Variants in SMCO4 observed in about 807,000 individuals in gnomAD.
SMCO4 encodes single-pass membrane protein with coiled-coil domains 4.
In SMCO4, 4 loss-of-function variants were observed where a neutral mutation model predicts 3.6. The ratio of observed to expected loss-of-function variants is 1.11; its 90% confidence interval spans 0.54 to 2.53. The LOEUF is 2.53. Ranked by LOEUF, SMCO4 falls within the 30% of genes most tolerant of loss-of-function variation. The pLI is 0.02. For missense variants in SMCO4, 70 were observed against 80.8 expected, an observed-to-expected ratio of 0.87 and a Z score of 0.51; for synonymous variants, 36 against 35.3, an observed-to-expected ratio of 1.02 and a Z score of -0.07.
intron 2 of SMCO4, among the ~76,000 whole-genome samples, chr11:93,491,484 C>T (rs762684330): frequency 2.0e-5 from 3 of 152,190 alleles, no homozygotes; most frequent in Non-Finnish European, 4.4e-5. Flanking sequence ...CTGACATCCC[C>T]GTGCTGTTGG....
intron 1 of SMCO4, among the ~76,000 whole-genome samples, chr11:93,516,678 T>C (rs1409875703): frequency 6.6e-6 from 1 of 151,846 alleles, no homozygotes; most frequent in Non-Finnish European, 1.5e-5. Flanking sequence ...TAGTCCCAGC[T>C]ACCCGGGAGG....
chr11:93,535,433 G>T (rs879376075), intron 1 of SMCO4: 8 of 1,287,752 alleles, frequency 6.2e-6, no homozygotes, highest in Non-Finnish European at 8.7e-6. Flanking sequence ...CACTGCTAGG[G>T]GCTTAAGCAG....
At chr11:93,541,611 A>G (rs1382349529) in intron 1 of SMCO4, among the ~76,000 whole-genome samples, 2 of 152,206 alleles carry the variant, frequency 1.3e-5, no homozygotes. Context: ...ATTCGGGTCC[A>G]CAGGTGAAAT....
chr11:93,488,652 G>A (rs1371264098), intron 2 of SMCO4, among the ~76,000 whole-genome samples: 6 of 152,140 alleles, frequency 3.9e-5, no homozygotes, highest in African/African-American at 1.4e-4. Flanking sequence ...TGAGGCGGGT[G>A]GGGACAGCTG....
chr11:93,506,684 A>G (rs1380904056), intron 1 of SMCO4, among the ~76,000 whole-genome samples: 2 of 152,080 alleles, frequency 1.3e-5, no homozygotes, highest in Non-Finnish European at 2.9e-5. Context: ...CTCGTGATCC[A>G]ACCGCCTCGG....
intron 1 of SMCO4, among the ~76,000 whole-genome samples, chr11:93,520,095 C>T (rs1949044241): frequency 1.3e-5 from 2 of 152,186 alleles, no homozygotes; most frequent in South Asian, 4.2e-4. Context: ...GATGGCATCG[C>T]TCAGGCCTGA....
the SMCO4 span, among the ~76,000 whole-genome samples, chr11:93,553,478 A>G: frequency 1.3e-5 from 2 of 152,228 alleles, no homozygotes; most frequent in East Asian, 3.9e-4. Context: ...GAATGTTGGT[A>G]ACAAACCACA....
At chr11:93,509,793 A>G (rs950436367) in intron 1 of SMCO4, among the ~76,000 whole-genome samples, 2 of 152,174 alleles carry the variant, frequency 1.3e-5, no homozygotes, top group Non-Finnish European at 2.9e-5. Flanking sequence ...AGAATGATGC[A>G]TAAGAGTGGA....
chr11:93,526,706 C>A (rs1949111682), intron 1 of SMCO4, among the ~76,000 whole-genome samples: 1 of 152,062 alleles, frequency 6.6e-6, no homozygotes, highest in Non-Finnish European at 1.5e-5. Flanking sequence ...CCTTGAGAGC[C>A]CTGTGGTTTC....
chr11:93,524,929 G>C (rs975363), intron 1 of SMCO4, among the ~76,000 whole-genome samples: 8,515 of 152,254 alleles, frequency 0.056, 579 homozygotes, highest in East Asian at 0.22. Context: ...AGTCACACCA[G>C]AGTGACATCA....
upstream of SMCO4, among the ~76,000 whole-genome samples, chr11:93,544,798 G>C (rs1949302814): frequency 6.6e-6 from 1 of 152,146 alleles, no homozygotes. Flanking sequence ...GTCACATTGG[G>C]AGATCATTCA....
chr11:93,499,541 G>A (rs1948814383), intron 1 of SMCO4, among the ~76,000 whole-genome samples, 193 bp from the exon 2 acceptor site: 1 of 152,188 alleles, frequency 6.6e-6, no homozygotes, highest in South Asian at 2.1e-4. Context: ...TGGCACATGT[G>A]TGCATGTGCG....
chr11:93,534,367 T>TAGAGAGAG (rs1400925569), intron 1 of SMCO4, among the ~76,000 whole-genome samples: 2 of 96,192 alleles, frequency 2.1e-5, no homozygotes, highest in African/African-American at 6.4e-5. Flanking sequence ...CATATATATA[T>TAGAGAGAG]ATATATATAG....
At chr11:93,545,376 T>C (rs1949307688), upstream of SMCO4, among the ~76,000 whole-genome samples, 1 of 151,224 alleles carries the variant, frequency 6.6e-6, no homozygotes, top group Admixed American at 6.6e-5. Context: ...TCACCTGAGG[T>C]CAGGAGTTCG....
intron 1 of SMCO4, among the ~76,000 whole-genome samples, chr11:93,500,832 G>T (rs753986077): frequency 6.6e-6 from 1 of 152,212 alleles, no homozygotes; most frequent in Non-Finnish European, 1.5e-5. Flanking sequence ...CCTTGACAGG[G>T]TTCTTTGCCT....
rs1948549480 is a variant in SMCO4 at position 93,478,732 on chromosome 11, C to G, written c.*278G>C. On this transcript the variant is annotated 3_prime_UTR_variant, in exon 3 of 3. Coordinates refer to ENST00000298966, the MANE Select transcript of SMCO4 (RefSeq NM_020179.3). ...AAAGAAGCACACACACACACACACACACACACACACACACACACACATGCG... is the reference window on the plus strand; with the variant it reads ...AAAGAAGCACACACACACACACACAGACACACACACACACACACACATGCG... 3.4e-6 allele frequency: 2 copies of G among 593,476 alleles called. No homozygotes were observed. The highest frequency in any genetic ancestry group is 8.6e-5 in the Admixed American group (2 of 23,340). 36.8% of individuals were successfully genotyped at this position (593,476 alleles called of 1,614,324 possible).
At chr11:93,512,874 G>C (rs532133681) in intron 1 of SMCO4, among the ~76,000 whole-genome samples, 1 of 152,186 alleles carries the variant, frequency 6.6e-6, no homozygotes, top group East Asian at 1.9e-4. Context: ...GAGTACTATG[G>C]GAGCAGGTCA....
chr11:93,482,977 G>C (rs1036510586), intron 2 of SMCO4, among the ~76,000 whole-genome samples: 1 of 152,154 alleles, frequency 6.6e-6, no homozygotes, highest in Non-Finnish European at 1.5e-5. Flanking sequence ...AGAAAACCCT[G>C]ACACTGAAAA....
chr11:93,488,846 T>C (rs939960987), intron 2 of SMCO4, among the ~76,000 whole-genome samples: 1 of 151,818 alleles, frequency 6.6e-6, no homozygotes, highest in Middle Eastern at 3.2e-3. Flanking sequence ...GTCTAGACCT[T>C]GGGGGAGTTG....
Sources: allele counts gnomAD v4.1 joint callset (sites outside exome capture counted in the v4.1 genomes callset), GRCh38; gene constraint gnomAD v4.1.1; transcripts MANE v1.5; gene names NCBI Gene and HGNC (gene_info 2026-07-23, HGNC 2026-07-21).